Variants in MCF2L2 observed in about 807,000 individuals in gnomAD.
The protein encoded by MCF2L2 is probable guanine nucleotide exchange factor MCF2L2.
MCF2L2 carries 102 observed loss-of-function variants against 150.2 expected under a neutral mutation model. That is an observed-to-expected ratio of 0.68 (90% confidence interval 0.58 to 0.80). The LOEUF (loss-of-function observed/expected upper bound fraction) is 0.80. MCF2L2 is among the 30% of genes least tolerant of loss of function. The pLI is 0.00. For synonymous variants in MCF2L2, 465 were observed against 491.3 expected, an observed-to-expected ratio of 0.95 and a Z score of 0.71; for missense variants, 1,256 against 1,372.8, an observed-to-expected ratio of 0.91 and a Z score of 1.34.
chr3:183,411,600 G>C (rs1367754988), intron 1 of MCF2L2, among the ~76,000 whole-genome samples: 1 of 149,938 alleles, frequency 6.7e-6, no homozygotes, highest in Admixed American at 6.6e-5. Context: ...CTGTAGAAAT[G>C]TTAGGCTACT....
At chr3:183,319,692 C>A (rs1340248258) in intron 6 of MCF2L2, among the ~76,000 whole-genome samples, 2 of 152,248 alleles carry the variant, frequency 1.3e-5, no homozygotes, top group Non-Finnish European at 2.9e-5. Flanking sequence ...TCAGAGCTCT[C>A]AGGTGACCAG....
In MCF2L2 at chr3:183,369,666, C is replaced by T. The variant is rs1313835799; in HGVS notation, c.275+9631G>A. Among the ~76,000 whole-genome samples the T allele has an allele frequency of 1.3e-5, 2 of 152,300 alleles. 1 individual carries two copies. The highest frequency in any genetic ancestry group is 3.9e-4 in the East Asian group (2 of 5,184). On this transcript the variant is annotated intron_variant, in intron 3 of 29. Coordinates refer to ENST00000328913, the MANE Select transcript of MCF2L2 (RefSeq NM_015078.4). ...TCCATTTCCAGCTTCTGGCAGGAGG[C>T]TATGCTTCCCAGCCTGTCAGAATGG...
rs73886904 is a variant in MCF2L2, at chr3:183,393,535, A to G, written c.77-3756T>C. Among the ~76,000 whole-genome samples, 755 of 152,284 alleles carry G rather than the reference A, an allele frequency of 5.0e-3. 7 individuals are homozygous for G. The highest frequency in any genetic ancestry group is 0.017 in the African/African-American group (692 of 41,552). The stretch of plus-strand genomic sequence containing the variant: ...TACCCACACAAGGCAAAGGGAAGTG[A>G]TAATTCAATTTCAACACAATTTCTA... On this transcript the variant is annotated intron_variant, in intron 1 of 29. Coordinates refer to ENST00000328913, the MANE Select transcript of MCF2L2 (RefSeq NM_015078.4).
At chr3:183,206,454 T>C (rs1722475829) in intron 23 of MCF2L2, among the ~76,000 whole-genome samples, 2 of 152,232 alleles carry the variant, frequency 1.3e-5, no homozygotes, top group Non-Finnish European at 2.9e-5. Flanking sequence ...TGTATCTTTA[T>C]GCAGGAGGCG....
At position 183,243,001 on chromosome 3, in the gene MCF2L2, G is replaced by A. The variant is rs145159440; in HGVS notation, c.1863-11984C>T. Among the ~76,000 whole-genome samples, 35 of 152,300 alleles carry A rather than the reference G, an allele frequency of 2.3e-4. No homozygotes were observed. The East Asian group carries it at 4.0e-3, about 18-fold the overall frequency. Reference sequence around the variant, plus strand: ...GACTGCTTTATTGGATTTCAGACTCGCATAAGGCTGATAGCCCCTTTGTTT... The same window carrying A: ...GACTGCTTTATTGGATTTCAGACTCACATAAGGCTGATAGCCCCTTTGTTT... On this transcript the variant is annotated intron_variant, in intron 15 of 29. Transcript: ENST00000328913.
At chr3:183,272,436 C>T (rs1327966387) in intron 15 of MCF2L2, 9 of 999,828 alleles carry the variant, frequency 9.0e-6, no homozygotes, top group Non-Finnish European at 1.1e-5. Context: ...CAAAACAAAA[C>T]GAAAAAAGAT....
At chr3:183,390,878 C>T (rs967387595) in intron 1 of MCF2L2, among the ~76,000 whole-genome samples, 4 of 152,176 alleles carry the variant, frequency 2.6e-5, no homozygotes, top group Admixed American at 2.6e-4. Flanking sequence ...GCCTGGACAA[C>T]AGATGGAGAC....
rs762161604 is a variant in MCF2L2, at chr3:183,270,696, C to T, written c.1862+6176G>A. ...TAAAATAGGGATAGTACCGCAGGACCATGTGTTTTTTTCTGGAGAGGGTAA... is the reference window on the plus strand; with the variant it reads ...TAAAATAGGGATAGTACCGCAGGACTATGTGTTTTTTTCTGGAGAGGGTAA... On this transcript the variant is annotated intron_variant, in intron 15 of 29. Coordinates refer to ENST00000328913, the MANE Select transcript of MCF2L2 (RefSeq NM_015078.4). The surrounding 1 kb of genome is among the most constrained non-coding windows in gnomAD (Gnocchi z 4.5). The T allele has an allele frequency of 6.2e-7, 1 of 1,613,848 alleles. No homozygotes were observed. Among genetic ancestry groups the T allele is most frequent in the Non-Finnish European group, 8.5e-7 (1 of 1,179,902 alleles).
rs1716265230 is a variant in MCF2L2, at chr3:183,428,016, A to T, written c.-39T>A. Reference sequence around the variant, plus strand: ...CATTCCGTATAAATAAAGCCAAACAAAACTGTTTCTACCGCTGCGGTGGAT... The same window carrying T: ...CATTCCGTATAAATAAAGCCAAACATAACTGTTTCTACCGCTGCGGTGGAT... On this transcript the variant is annotated 5_prime_UTR_variant, in exon 1 of 30. It adds an upstream start codon to the 5' untranslated region. Transcript: ENST00000328913. The surrounding 1 kb of genome is among the most constrained non-coding windows in gnomAD (Gnocchi z 5.1). 2 of 1,486,504 alleles carry T rather than the reference A, an allele frequency of 1.3e-6. No homozygotes were observed. Among genetic ancestry groups the T allele is most frequent in the Non-Finnish European group, 1.9e-6 (2 of 1,064,090 alleles). 92.1% of individuals were successfully genotyped at this position (1,486,504 alleles called of 1,614,324 possible).
chr3:183,306,558 G>C lies in MCF2L2; in HGVS notation c.1113+3158C>G, dbSNP rs576622445. The stretch of plus-strand genomic sequence containing the variant: ...CTAGGGAAGAAAGTGGCGAGAAAGC[G>C]AGTGATGCTACTCTATCCGGGAATC... On this transcript the variant is annotated intron_variant, in intron 10 of 29. Coordinates refer to ENST00000328913, the MANE Select transcript of MCF2L2 (RefSeq NM_015078.4). Among the ~76,000 whole-genome samples the C allele has an allele frequency of 3.9e-5, 6 of 152,306 alleles. No homozygotes were observed. The South Asian group carries it at 1.2e-3, about 32-fold the overall frequency.
chr3:183,411,437 T>A (rs1715309522), intron 1 of MCF2L2, among the ~76,000 whole-genome samples: 1 of 152,194 alleles, frequency 6.6e-6, no homozygotes, highest in South Asian at 2.1e-4. Flanking sequence ...CTGGGTCATA[T>A]TCACTAACAC....
chr3:183,363,291 T>G (rs1184382185), intron 3 of MCF2L2, among the ~76,000 whole-genome samples: 1 of 152,144 alleles, frequency 6.6e-6, no homozygotes, highest in Non-Finnish European at 1.5e-5. Flanking sequence ...ACTCTTACCA[T>G]AAGATCCATT....
At chr3:183,190,991 T>C (rs1458404364) in intron 27 of MCF2L2, among the ~76,000 whole-genome samples, 1 of 152,190 alleles carries the variant, frequency 6.6e-6, no homozygotes, top group East Asian at 1.9e-4. Flanking sequence ...GTTCAAGGAA[T>C]TCTCCTGCCT....
intron 15 of MCF2L2, among the ~76,000 whole-genome samples, chr3:183,232,968 T>G (rs138503822): frequency 1.5e-3 from 232 of 152,346 alleles, no homozygotes; most frequent in African/African-American, 5.3e-3. Flanking sequence ...GTAATTTCAC[T>G]TCTAGGAATG....
At chr3:183,277,571 G>A (rs16857256) in intron 14 of MCF2L2, among the ~76,000 whole-genome samples, 3,921 of 151,824 alleles carry the variant, frequency 0.026, 173 homozygotes, top group African/African-American at 0.087. Context: ...TCACAGATGC[G>A]TGATAACAAG....
rs71185653 is a variant in MCF2L2 at position 183,355,613 on chromosome 3, ATTTTTTTTT to A, written c.276-13992_276-13984del. Among the ~76,000 whole-genome samples the A allele has an allele frequency of 3.5e-3, 295 of 84,450 alleles. 4 individuals carry two copies. Among genetic ancestry groups the A allele is most frequent in the African/African-American group, 0.015 (269 of 18,214 alleles). The allele number at this position is 84,450 out of a possible 152,430, so 55.4% of individuals were successfully genotyped here. ...AGGCGCCCGCCACCACGCCCAGCTA[ATTTTTTTTT>A]TTTTTTTTTTTTTTTTGGTATTTTT... On this transcript the variant is annotated intron_variant, in intron 3 of 29. Transcript: ENST00000328913.
Position 183,270,985 on chromosome 3 carries a change from G to T in MCF2L2, c.1862+5887C>A, listed in dbSNP as rs536216858. The T allele has an allele frequency of 2.1e-5, 31 of 1,478,730 alleles. No individual in the cohort carries two copies. In the African/African-American group the frequency reaches 3.7e-4, roughly 18 times the overall value. 91.6% of individuals were successfully genotyped at this position (1,478,730 alleles called of 1,614,324 possible). A position where few individuals can be genotyped will look rare whatever the true frequency, so the allele number is the denominator to read the frequency against. The stretch of plus-strand genomic sequence containing the variant: ...CACTGTCACTGAGTCAAACCTGGAT[G>T]AAAAAAACCTTTAAATGTTCGTCTA... On this transcript the variant is annotated intron_variant, in intron 15 of 29. Coordinates refer to ENST00000328913, the MANE Select transcript of MCF2L2 (RefSeq NM_015078.4). This position sits in a 1 kb window ranked among gnomAD's most constrained non-coding sequence, Gnocchi z 4.5.
At chr3:183,284,633 C>T (rs923692591) in intron 14 of MCF2L2, among the ~76,000 whole-genome samples, 85 of 151,398 alleles carry the variant, frequency 5.6e-4, no homozygotes, top group Admixed American at 1.8e-3. Flanking sequence ...ACCTGGGAGG[C>T]GGAAGTTGCA....
chr3:183,279,340 G>C (rs1013697020), intron 14 of MCF2L2, among the ~76,000 whole-genome samples: 3 of 152,060 alleles, frequency 2.0e-5, no homozygotes, highest in African/African-American at 7.2e-5. Context: ...AGGAGGAAGA[G>C]AGCATATTCA....
Sources: allele counts gnomAD v4.1 joint callset (sites outside exome capture counted in the v4.1 genomes callset), GRCh38; gene constraint gnomAD v4.1.1; non-coding constraint Gnocchi (gnomAD v3.1); transcripts MANE v1.5; gene names NCBI Gene and HGNC (gene_info 2026-07-23, HGNC 2026-07-21).